Variants in CAMK1D observed in about 807,000 individuals in gnomAD.
CAMK1D encodes the protein calcium/calmodulin-dependent protein kinase type 1D.
CAMK1D carries 9 observed loss-of-function variants against 47.7 expected under a neutral mutation model. The ratio of observed to expected loss-of-function variants is 0.19; its 90% CI spans 0.11 to 0.33. The LOEUF (loss-of-function observed/expected upper bound fraction) is 0.33. CAMK1D is among the 10% of genes least tolerant of loss of function. The pLI is 1.00. For missense variants in CAMK1D, 291 were observed against 488.7 expected (o/e 0.60, Z 3.81); for synonymous variants, 184 against 184.9 (o/e 0.99, Z 0.04).
At chr10:12,359,524 G>T (rs1459980387) in intron 1 of CAMK1D, among the ~76,000 whole-genome samples, 7 of 144,448 alleles carry the variant, frequency 4.8e-5, no homozygotes, top group African/African-American at 7.6e-5. Flanking sequence ...TAGCTTCTCG[G>T]TTTTTTTTTT....
At position 12,349,748 on chromosome 10, in the gene CAMK1D, C is replaced by CCCGCG. The variant is rs553682429; in HGVS notation, c.-63_-59dup. 3.2e-3 allele frequency: 1,826 copies of CCCGCG among 561,864 alleles called. 11 individuals are homozygous for CCCGCG. The highest frequency in any genetic ancestry group is 9.7e-3 in the South Asian group (128 of 13,130). 34.8% of individuals were successfully genotyped at this position (561,864 alleles called of 1,614,324 possible). On this transcript the variant is annotated 5_prime_UTR_variant, in exon 1 of 11. Coordinates refer to ENST00000619168, the MANE Select transcript of CAMK1D (RefSeq NM_153498.4). ...GCCCGGCATCCCCGCCGCCTCTGCG[C>CCCGCG]CCGCGCCGCGCCCCCGGCGCCCCCT...
intron 8 of CAMK1D, 46 bp downstream of exon 8, chr10:12,816,374 C>T (rs888401631): frequency 6.7e-7 from 1 of 1,488,792 alleles, no homozygotes; most frequent in Non-Finnish European, 9.3e-7. Flanking sequence ...TTAATGCCAT[C>T]TGGGGGGGGC....
intron 1 of CAMK1D, among the ~76,000 whole-genome samples, chr10:12,510,321 C>G (rs1017263465): frequency 1.3e-5 from 2 of 152,056 alleles, no homozygotes; most frequent in South Asian, 4.2e-4. Flanking sequence ...GAGGCCGTGG[C>G]AGGAGAATTG....
intron 1 of CAMK1D, among the ~76,000 whole-genome samples, chr10:12,441,055 T>C (rs1832770566): frequency 6.6e-6 from 1 of 152,190 alleles, no homozygotes; most frequent in Non-Finnish European, 1.5e-5. Flanking sequence ...TTGCTAAGTT[T>C]CTCCTTGTTT....
chr10:12,827,472 GTCTTTCTTTCTTTCTT>G (rs1244927320), intron 10 of CAMK1D, among the ~76,000 whole-genome samples: 509 of 5,100 alleles, frequency 0.1, 164 homozygotes, highest in Middle Eastern at 0.36. Context: ...TTGTCTGTCT[GTCTTTCTTTCTTTCTT>G]TCTTTCTTTC....
intron 5 of CAMK1D, among the ~76,000 whole-genome samples, chr10:12,782,471 G>A (rs949968768): frequency 2.0e-4 from 31 of 152,282 alleles, no homozygotes; most frequent in African/African-American, 7.2e-4. Context: ...TGATCTTTAA[G>A]TTCTGTTTAG....
chr10:12,468,208 A>G (rs1833647714), intron 1 of CAMK1D, among the ~76,000 whole-genome samples: 2 of 152,078 alleles, frequency 1.3e-5, no homozygotes, highest in African/African-American at 4.8e-5. Context: ...GGTGCTTAAC[A>G]CTACATCCAG....
intron 5 of CAMK1D, among the ~76,000 whole-genome samples, chr10:12,784,823 A>G (rs1296385924): frequency 2.0e-5 from 3 of 152,196 alleles, no homozygotes; most frequent in Non-Finnish European, 2.9e-5. Context: ...CCACAGAAAT[A>G]ATGGTGTGTG....
intron 3 of CAMK1D, among the ~76,000 whole-genome samples, chr10:12,757,390 C>T (rs1293566266): frequency 1.3e-5 from 2 of 152,206 alleles, no homozygotes; most frequent in African/African-American, 4.8e-5. Flanking sequence ...AATTGGGGAA[C>T]TTCATTTCTG....
At chr10:12,634,864 G>A (rs1839470770) in intron 2 of CAMK1D, among the ~76,000 whole-genome samples, 2 of 152,268 alleles carry the variant, frequency 1.3e-5, no homozygotes, top group South Asian at 4.1e-4. Flanking sequence ...TCATGATGGT[G>A]GCCGGGATTC....
intron 4 of CAMK1D, among the ~76,000 whole-genome samples, chr10:12,762,912 G>A (rs1407300112): frequency 6.6e-6 from 1 of 152,124 alleles, no homozygotes; most frequent in Non-Finnish European, 1.5e-5. Flanking sequence ...AGCTCTCTCT[G>A]AACACGTTCG....
At chr10:12,380,540 G>A (rs545532454) in intron 1 of CAMK1D, among the ~76,000 whole-genome samples, 1 of 152,232 alleles carries the variant, frequency 6.6e-6, no homozygotes, top group East Asian at 1.9e-4. Context: ...TTATCATGAT[G>A]CCACCCAAGT....
At chr10:12,510,642 C>A (rs1379266883) in intron 1 of CAMK1D, among the ~76,000 whole-genome samples, 1 of 152,180 alleles carries the variant, frequency 6.6e-6, no homozygotes, top group Non-Finnish European at 1.5e-5. Context: ...AGTGCCACCT[C>A]CGGGACCCCC....
chr10:12,625,629 C>G (rs1320965475), intron 2 of CAMK1D, among the ~76,000 whole-genome samples: 1 of 151,810 alleles, frequency 6.6e-6, no homozygotes, highest in Non-Finnish European at 1.5e-5. Flanking sequence ...CCACGCCCCG[C>G]CCCTCTGCCC....
In CAMK1D at chr10:12,716,635, T is replaced by G. The variant is rs955007057; in HGVS notation, c.300-44313T>G. 2.0e-5 allele frequency among the ~76,000 whole-genome samples: 3 copies of G among 151,526 alleles called. No individual in the cohort carries two copies. The East Asian group carries it at 5.8e-4, about 29-fold the overall frequency. On this transcript the variant is annotated intron_variant, in intron 3 of 10. Coordinates refer to ENST00000619168, the MANE Select transcript of CAMK1D (RefSeq NM_153498.4). Reference sequence around the variant, plus strand: ...CTGCACCTTCTTTGCCCCATTTCCATCCCCCGAGATGAAGGCTACGACTGC... The same window carrying G: ...CTGCACCTTCTTTGCCCCATTTCCAGCCCCCGAGATGAAGGCTACGACTGC...
chr10:12,691,394 TATATATATAAATATATATATATATA>T (rs1564495545), intron 3 of CAMK1D, among the ~76,000 whole-genome samples: 33 of 7,320 alleles, frequency 4.5e-3, no homozygotes, highest in African/African-American at 0.013. Flanking sequence ...TATATATATA[TATATATATAAATATATATATATATA>T]TATTTTTTTT....
intron 2 of CAMK1D, among the ~76,000 whole-genome samples, chr10:12,583,347 G>A (rs1837718318): frequency 6.6e-6 from 1 of 152,074 alleles, no homozygotes; most frequent in Admixed American, 6.5e-5. Context: ...GCAAACATAT[G>A]GTTTGATACT....
intron 3 of CAMK1D, among the ~76,000 whole-genome samples, chr10:12,752,451 T>G (rs1391344528): frequency 1.3e-5 from 2 of 151,644 alleles, no homozygotes; most frequent in East Asian, 3.9e-4. Flanking sequence ...CTCGGGAGGG[T>G]AGAAGGGGGA....
At chr10:12,523,303 G>A (rs986036262) in intron 1 of CAMK1D, among the ~76,000 whole-genome samples, 3 of 151,974 alleles carry the variant, frequency 2.0e-5, no homozygotes, top group African/African-American at 7.2e-5. Context: ...TCAGACGATG[G>A]GCGGCCAGGC....
Sources: allele counts gnomAD v4.1 joint callset (sites outside exome capture counted in the v4.1 genomes callset), GRCh38; gene constraint gnomAD v4.1.1; transcripts MANE v1.5; gene names NCBI Gene and HGNC (gene_info 2026-07-23, HGNC 2026-07-21).